Variants in NFX1 observed in about 807,000 individuals in gnomAD.
NFX1 encodes the protein transcriptional repressor NF-X1.
Under a neutral mutation model 137.2 loss-of-function variants are expected in NFX1, and 69 were observed. That is an observed-to-expected ratio of 0.50 (90% CI 0.41 to 0.61). NFX1 has a LOEUF of 0.61. Ranked by LOEUF, NFX1 falls within the 20% of genes least tolerant of loss-of-function variation. The pLI is 0.00. For synonymous variants in NFX1, 495 were observed against 474.1 expected, an observed-to-expected ratio of 1.04 and a Z score of -0.57; for missense variants, 1,167 against 1,391.0, an observed-to-expected ratio of 0.84 and a Z score of 2.56.
chr9:33,301,478 T>G, intron 3 of NFX1, 57 bp downstream of exon 3: 1 of 1,540,370 alleles, frequency 6.5e-7, no homozygotes, highest in South Asian at 1.2e-5. Context: ...CGTTTAAGTA[T>G]TATTAAGCCC....
In NFX1 at chr9:33,328,637, C is replaced by T. The variant is rs758589543; in HGVS notation, c.1963C>T (p.Arg655Cys). Residue 655 changes from arginine to cysteine, a missense_variant, in exon 10 of 24, where the codon CGC becomes TGC. Physicochemically the swap from Arg to Cys is radical, Grantham distance 180. This residue lies in a region of NFX1 where 488 missense variants were observed against 691.5 expected (regional missense o/e 0.71). Transcript: ENST00000379540. Reference protein sequence around the residue: ...CHEGDCGPCSRTSVISCRCSF... With the variant: ...CHEGDCGPCSCTSVISCRCSF... ...TGAAGGAGACTGTGGACCATGCTCTCGCACATCAGTTATTTCCTGCAGATG... is the reference window on the plus strand; with the variant it reads ...TGAAGGAGACTGTGGACCATGCTCTTGCACATCAGTTATTTCCTGCAGATG... The T allele has an allele frequency of 1.9e-6, 3 of 1,612,212 alleles. No homozygotes were observed. The highest frequency in any genetic ancestry group is 1.1e-5 in the South Asian group (1 of 90,966).
chr9:33,310,008 A>G (rs1821907098), intron 5 of NFX1, among the ~76,000 whole-genome samples: 1 of 152,256 alleles, frequency 6.6e-6, no homozygotes, highest in Non-Finnish European at 1.5e-5. Context: ...ACTGTTGAAT[A>G]ATGATACTCA....
chr9:33,335,476 G>T (rs964352378), intron 11 of NFX1, among the ~76,000 whole-genome samples: 1 of 151,812 alleles, frequency 6.6e-6, no homozygotes, highest in Non-Finnish European at 1.5e-5. Flanking sequence ...CATGTAATCC[G>T]CCTGCCTCAG....
intron 1 of NFX1, among the ~76,000 whole-genome samples, chr9:33,292,605 T>C (rs1016285086): frequency 2.0e-5 from 3 of 152,228 alleles, no homozygotes; most frequent in African/African-American, 7.2e-5. Flanking sequence ...GCCAGTTTCC[T>C]GATCAATGTG....
intron 18 of NFX1, 149 bp downstream of exon 18, chr9:33,354,336 T>A: frequency 1.5e-6 from 1 of 687,568 alleles, no homozygotes; most frequent in Non-Finnish European, 2.4e-6. Context: ...AGACATCTGC[T>A]CCATCCCCAA....
intron 1 of NFX1, among the ~76,000 whole-genome samples, chr9:33,291,629 C>T (rs1316833589): frequency 2.0e-5 from 3 of 152,202 alleles, no homozygotes; most frequent in African/African-American, 4.8e-5. Context: ...TAGGGCCGGG[C>T]GTGGTGGCTC....
chr9:33,326,884 T>C (rs902453982), intron 9 of NFX1, among the ~76,000 whole-genome samples: 2 of 152,236 alleles, frequency 1.3e-5, no homozygotes, highest in African/African-American at 4.8e-5. Context: ...TAGAGCTGTG[T>C]AAGGGTAAAC....
At chr9:33,317,186 G>A (rs1215316150) in intron 7 of NFX1, among the ~76,000 whole-genome samples, 1 of 148,572 alleles carries the variant, frequency 6.7e-6, no homozygotes, top group Non-Finnish European at 1.5e-5. Flanking sequence ...TAGGAGGCCA[G>A]GATGGGCTGA....
intron 10 of NFX1, among the ~76,000 whole-genome samples, chr9:33,329,233 G>A (rs1822709420): frequency 6.6e-6 from 1 of 152,222 alleles, no homozygotes; most frequent in African/African-American, 2.4e-5. Flanking sequence ...CCGCTTCAGT[G>A]TGTGCCAGCA....
At chr9:33,354,054 G>A in intron 17 of NFX1, 32 bp from the exon 18 acceptor site, 1 of 1,557,136 alleles carries the variant, frequency 6.4e-7, no homozygotes, top group Non-Finnish European at 8.7e-7. Context: ...AAACTGCAAT[G>A]CCTCTTTTTC....
intron 17 of NFX1, 113 bp from the exon 18 acceptor site, chr9:33,353,973 A>G: frequency 2.1e-6 from 2 of 936,502 alleles, no homozygotes; most frequent in African/African-American, 1.7e-5. Flanking sequence ...TACAGGCGTG[A>G]GCCACCACAC....
intron 2 of NFX1, among the ~76,000 whole-genome samples, chr9:33,298,875 G>C (rs1821453501): frequency 6.6e-6 from 1 of 152,232 alleles, no homozygotes; most frequent in Non-Finnish European, 1.5e-5. Context: ...TGTTCAGGTA[G>C]GAGATGATGG....
At chr9:33,325,493 C>G (rs1444158630) in intron 9 of NFX1, among the ~76,000 whole-genome samples, 1 of 152,110 alleles carries the variant, frequency 6.6e-6, no homozygotes, top group Admixed American at 6.5e-5. Context: ...GAAACCCTGT[C>G]TCTACTAAAA....
intron 9 of NFX1, among the ~76,000 whole-genome samples, chr9:33,326,556 A>G (rs1404338578): frequency 6.6e-6 from 1 of 152,110 alleles, no homozygotes; most frequent in Non-Finnish European, 1.5e-5. Flanking sequence ...TAATCCCTCA[A>G]AGAAATTTGT....
At chr9:33,368,977 T>C (rs1252499050) in intron 23 of NFX1, among the ~76,000 whole-genome samples, 2 of 152,186 alleles carry the variant, frequency 1.3e-5, no homozygotes, top group Non-Finnish European at 2.9e-5. Flanking sequence ...CATGAGGGGT[T>C]TTCTCAGAAA....
At chr9:33,347,166 T>C in intron 15 of NFX1, 49 bp downstream of exon 15, 1 of 1,360,582 alleles carries the variant, frequency 7.3e-7, no homozygotes, top group Non-Finnish European at 1.0e-6. Context: ...AGGTTCATGA[T>C]TTTATTACTT....
intron 9 of NFX1, among the ~76,000 whole-genome samples, chr9:33,324,505 C>G (rs1822505537): frequency 6.6e-6 from 1 of 152,096 alleles, no homozygotes; most frequent in South Asian, 2.1e-4. Flanking sequence ...AAGCCATGAT[C>G]ATGCCACTGC....
At chr9:33,333,381 G>A (rs1387786935) in intron 11 of NFX1, among the ~76,000 whole-genome samples, 2 of 152,170 alleles carry the variant, frequency 1.3e-5, no homozygotes, top group East Asian at 3.8e-4. Flanking sequence ...GAACAAGTCC[G>A]AGATTGGTTA....
At chr9:33,302,054 A>G (rs946194233) in intron 3 of NFX1, among the ~76,000 whole-genome samples, 4 of 152,252 alleles carry the variant, frequency 2.6e-5, no homozygotes, top group African/African-American at 9.6e-5. Context: ...CCTGGGTGAC[A>G]GAGCAAGACC....
Sources: allele counts gnomAD v4.1 joint callset (sites outside exome capture counted in the v4.1 genomes callset), GRCh38; gene constraint gnomAD v4.1.1; regional missense constraint gnomAD v4.1.1; transcripts MANE v1.5; gene names NCBI Gene and HGNC (gene_info 2026-07-23, HGNC 2026-07-21).